Variants in AGBL4 observed in about 807,000 individuals in gnomAD.
The protein encoded by AGBL4 is cytosolic carboxypeptidase 6.
AGBL4 carries 58 observed loss-of-function variants against 66.4 expected under a neutral mutation model. That is an observed-to-expected ratio of 0.87 (90% CI 0.71 to 1.09). The LOEUF (loss-of-function observed/expected upper bound fraction) is 1.09, where lower values mean the gene tolerates loss of function less well. Among genes scored for constraint, AGBL4 ranks in the 50% least tolerant of loss-of-function variants. The probability of loss-of-function intolerance (pLI) is 0.00; values close to 1 mark genes in which losing one functional copy is unlikely to be tolerated. For missense variants in AGBL4, 579 were observed against 631.0 expected (o/e 0.92, Z 0.88); for synonymous variants, 234 against 222.9 (o/e 1.05, Z -0.44).
At chr1:48,983,793 C>A (rs1659959223) in intron 5 of AGBL4, among the ~76,000 whole-genome samples, 1 of 151,948 alleles carries the variant, frequency 6.6e-6, no homozygotes, top group African/African-American at 2.4e-5. Context: ...AATAATAATA[C>A]CTGTATTTTT....
At chr1:49,305,817 A>G (rs1239611839) in intron 3 of AGBL4, among the ~76,000 whole-genome samples, 1 of 151,850 alleles carries the variant, frequency 6.6e-6, no homozygotes, top group Non-Finnish European at 1.5e-5. Context: ...CAGCCTCCCG[A>G]GTAGCTGGGA....
At position 49,530,282 on chromosome 1, in the gene AGBL4, A is replaced by AAAAAAAAAAAAAAAAAAAT. The variant is rs1558025489; in HGVS notation, c.282+167030_282+167031insATTTTTTTTTTTTTTTTTT. On this transcript the variant is annotated intron_variant, in intron 3 of 13. Coordinates refer to ENST00000371839, the MANE Select transcript of AGBL4 (RefSeq NM_032785.4). ...TGTAAAAAAAAAAAAACAAAAAAAA[A>AAAAAAAAAAAAAAAAAAAT]CTCTATGAGTTTTTTTTTATTATTA... 4.3e-4 allele frequency among the ~76,000 whole-genome samples: 63 copies of AAAAAAAAAAAAAAAAAAAT among 145,392 alleles called. 4 individuals carry two copies. The highest frequency in any genetic ancestry group is 6.5e-4 in the Non-Finnish European group (43 of 66,274).
At chr1:49,698,813 A>G (rs894814136) in intron 2 of AGBL4, among the ~76,000 whole-genome samples, 1 of 152,088 alleles carries the variant, frequency 6.6e-6, no homozygotes, top group Non-Finnish European at 1.5e-5. Context: ...GCAGATTTTC[A>G]TTTTGTTCTT....
At chr1:49,597,972 T>G (rs942967314) in intron 3 of AGBL4, among the ~76,000 whole-genome samples, 1 of 152,202 alleles carries the variant, frequency 6.6e-6, no homozygotes, top group Admixed American at 6.5e-5. Flanking sequence ...ACAGAGATAA[T>G]TTGACTTCCT....
At chr1:49,267,295 A>G (rs1643943702) in intron 3 of AGBL4, among the ~76,000 whole-genome samples, 1 of 152,226 alleles carries the variant, frequency 6.6e-6, no homozygotes, top group African/African-American at 2.4e-5. Flanking sequence ...AGATCAGGGC[A>G]AAATCCTTCA....
chr1:48,646,755 C>T (rs1386106372), intron 8 of AGBL4, among the ~76,000 whole-genome samples: 1 of 152,060 alleles, frequency 6.6e-6, no homozygotes, highest in Non-Finnish European at 1.5e-5. Flanking sequence ...AAAACTGGAG[C>T]AGCCTAGGGT....
intron 5 of AGBL4, among the ~76,000 whole-genome samples, chr1:48,909,985 T>C (rs768777072): frequency 6.6e-6 from 1 of 152,218 alleles, no homozygotes; most frequent in Non-Finnish European, 1.5e-5. Context: ...CTCAGTATTG[T>C]GACAAAGATT....
chr1:49,634,567 G>T (rs544388063), intron 3 of AGBL4, among the ~76,000 whole-genome samples: 1 of 152,110 alleles, frequency 6.6e-6, no homozygotes, highest in African/African-American at 2.4e-5. Flanking sequence ...ATAATCCTTT[G>T]GGTATATACC....
intron 8 of AGBL4, among the ~76,000 whole-genome samples, chr1:48,652,395 T>C (rs770539267): frequency 1.1e-4 from 17 of 152,130 alleles, no homozygotes; most frequent in South Asian, 2.1e-4. Context: ...TGTATCTTCA[T>C]ACATAAGGTA....
intron 6 of AGBL4, among the ~76,000 whole-genome samples, chr1:48,750,168 G>A (rs1363503746): frequency 3.0e-4 from 46 of 152,174 alleles, no homozygotes; most frequent in Admixed American, 3.0e-3. Context: ...GCTGTTGATT[G>A]ATTTGCCTGA....
chr1:50,003,141 T>C lies in AGBL4; in HGVS notation c.34+20622A>G, dbSNP rs144894730. Among the ~76,000 whole-genome samples the C allele has an allele frequency of 6.2e-3, 941 of 152,254 alleles. 16 individuals are homozygous for C. The highest frequency in any genetic ancestry group is 0.022 in the African/African-American group (910 of 41,530). ...AAAATACACAAAATTAAGAATCATA[T>C]ACAAAAATAACTGGAATACAAGAAT... On this transcript the variant is annotated intron_variant, in intron 1 of 13. Transcript: ENST00000371839.
intron 3 of AGBL4, among the ~76,000 whole-genome samples, chr1:49,513,515 G>T (rs1175407598): frequency 1.3e-5 from 2 of 151,856 alleles, no homozygotes; most frequent in African/African-American, 4.8e-5. Context: ...GAACATGTTT[G>T]GTTTTCTGTT....
chr1:48,817,718 G>T, intron 6 of AGBL4: 1 of 271,924 alleles, frequency 3.7e-6, no homozygotes, highest in Non-Finnish European at 6.9e-6. Context: ...CACCTGTCTG[G>T]AGCCAGCTTC....
At chr1:49,749,563 T>C (rs990053703) in intron 2 of AGBL4, among the ~76,000 whole-genome samples, 2 of 152,120 alleles carry the variant, frequency 1.3e-5, no homozygotes, top group Non-Finnish European at 2.9e-5. Flanking sequence ...AAGTCACAGA[T>C]ACAAAGTGAA....
chr1:48,967,624 C>CGCTTCCTG (rs1366415760), intron 5 of AGBL4, among the ~76,000 whole-genome samples: 1 of 152,120 alleles, frequency 6.6e-6, no homozygotes, highest in East Asian at 1.9e-4. Flanking sequence ...GCCAAAAGAA[C>CGCTTCCTG]GCTTCCTGGA....
chr1:50,013,808 G>A (rs1163471799), intron 1 of AGBL4, among the ~76,000 whole-genome samples: 2 of 152,134 alleles, frequency 1.3e-5, no homozygotes, highest in Non-Finnish European at 2.9e-5. Context: ...CTTTAAACAT[G>A]TATAAAGCTG....
At chr1:49,660,091 A>T (rs1307482080) in intron 3 of AGBL4, among the ~76,000 whole-genome samples, 1 of 152,178 alleles carries the variant, frequency 6.6e-6, no homozygotes, top group Non-Finnish European at 1.5e-5. Context: ...AAAAGCAAAA[A>T]AATGATGAAT....
intron 1 of AGBL4, among the ~76,000 whole-genome samples, chr1:50,014,544 T>G (rs1333493011): frequency 7.0e-6 from 1 of 143,650 alleles, no homozygotes; most frequent in Non-Finnish European, 1.5e-5. Context: ...TTCTTTTTTT[T>G]TTTTTTTTTT....
At chr1:49,855,364 A>C (rs1646407761) in intron 1 of AGBL4, among the ~76,000 whole-genome samples, 2 of 152,180 alleles carry the variant, frequency 1.3e-5, no homozygotes, top group African/African-American at 4.8e-5. Flanking sequence ...TCATATAGAA[A>C]GCAAATCAAC....
Sources: allele counts gnomAD v4.1 joint callset (sites outside exome capture counted in the v4.1 genomes callset), GRCh38; gene constraint gnomAD v4.1.1; transcripts MANE v1.5; gene names NCBI Gene and HGNC (gene_info 2026-07-23, HGNC 2026-07-21).